The following PDCD11 variants were observed in gnomAD, a reference collection of about 807,000 sequenced individuals.
PDCD11 encodes the protein protein RRP5 homolog.
A neutral mutation model predicts 198.9 loss-of-function variants in PDCD11; 97 were observed. The ratio of observed to expected loss-of-function variants is 0.49; its 90% CI spans 0.41 to 0.58. The LOEUF is 0.58. PDCD11 is among the 20% of genes least tolerant of loss of function. The pLI, the probability that PDCD11 is intolerant of heterozygous loss-of-function variation, is 0.00. For missense variants in PDCD11, 2,102 were observed against 2,312.7 expected (o/e 0.91, Z 1.87); for synonymous variants, 893 against 918.0 (o/e 0.97, Z 0.49).
intron 1 of PDCD11, among the ~76,000 whole-genome samples, chr10:103,397,146 T>A (rs1465643183): frequency 6.6e-6 from 1 of 151,984 alleles, no homozygotes; most frequent in Non-Finnish European, 1.5e-5. Flanking sequence ...ACCTCTCCTG[T>A]CTTCTGTTTT....
chr10:103,433,796 G>GT, intron 22 of PDCD11, 152 bp from the exon 23 acceptor site: 2 of 631,768 alleles, frequency 3.2e-6, no homozygotes, highest in Non-Finnish European at 5.7e-6. Flanking sequence ...GAGAAGTGGA[G>GT]GTTGGGCAAG....
chr10:103,423,703 A>G (rs2031560199), intron 19 of PDCD11, 45 bp downstream of exon 19: 2 of 1,235,518 alleles, frequency 1.6e-6, no homozygotes, highest in African/African-American at 1.5e-5. Flanking sequence ...CACATGATGT[A>G]CCCTTCAACC....
Position 103,414,001 on chromosome 10 carries a change from T to C in PDCD11, c.1221T>C (p.Asn407=). Residue 407 remains asparagine, a synonymous_variant, in exon 10 of 36, where the codon AAT becomes AAC. Coordinates refer to ENST00000369797, the MANE Select transcript of PDCD11 (RefSeq NM_014976.2). The part of the protein sequence containing the change: ...SHLSDSKNVF[N]PEAFKPGNTH... ...TCTCTGATTCTAAGAACGTCTTCAA[T>C]CCTGAGGCCTTCAAGCCAGGGAACA... 6.2e-7 allele frequency: 1 copy of C among 1,613,632 alleles called. No homozygotes were observed. The highest frequency in any genetic ancestry group is 8.5e-7 in the Non-Finnish European group (1 of 1,179,830).
Position 103,419,721 on chromosome 10 carries a change from C to T in PDCD11, c.2277+13C>T, listed in dbSNP as rs939685090. 9 of 1,612,824 alleles carry T rather than the reference C, an allele frequency of 5.6e-6. No homozygotes were observed. In the African/African-American group the frequency reaches 9.3e-5, roughly 17 times the overall value. On this transcript the variant is annotated intron_variant, in intron 16 of 35. Transcript: ENST00000369797. The stretch of plus-strand genomic sequence containing the variant: ...GGCCCCAAAAGCTGTAAGTTCAACT[C>T]CATGTACAAGGGCTTTGAGGAGAGA...
At chr10:103,443,786 G>A (rs1179911544) in intron 33 of PDCD11, 129 bp from the exon 34 acceptor site, 6 of 901,384 alleles carry the variant, frequency 6.7e-6, no homozygotes, top group Non-Finnish European at 1.1e-5. Flanking sequence ...CAGGTCTCTA[G>A]CATTAGGCCC....
At chr10:103,437,131 TC>T (rs1381656313) in intron 25 of PDCD11, among the ~76,000 whole-genome samples, 2 of 152,184 alleles carry the variant, frequency 1.3e-5, no homozygotes, top group African/African-American at 4.8e-5. Flanking sequence ...TTCCTTTTCT[TC>T]TTCCCTCTCT....
chr10:103,444,416 C>T (rs1459770764), intron 34 of PDCD11, 101 bp from the exon 35 acceptor site: 1 of 1,195,718 alleles, frequency 8.4e-7, no homozygotes, highest in Non-Finnish European at 1.2e-6. Context: ...GTCTTGGGAC[C>T]CAAGAGCAGG....
chr10:103,411,149 T>G (rs1420216988), intron 8 of PDCD11, among the ~76,000 whole-genome samples: 1 of 151,378 alleles, frequency 6.6e-6, no homozygotes, highest in African/African-American at 2.4e-5. Flanking sequence ...ACTCCGGGGC[T>G]CAAGGAGTCC....
chr10:103,442,698 ATACACT>A (rs1485272009), intron 32 of PDCD11, among the ~76,000 whole-genome samples: 1 of 152,230 alleles, frequency 6.6e-6, no homozygotes, highest in Non-Finnish European at 1.5e-5. Context: ...ACAAGAGTCC[ATACACT>A]TATATGAGGG....
In PDCD11 at chr10:103,414,418, C is replaced by A; in HGVS notation, c.1371+88C>A. ...AGGTGACTGTCAGCCCGTTAGTCCT[C>A]ATGTTAACACATTGAATGTCATGTT... is the stretch of plus-strand genomic sequence containing the variant. On this transcript the variant is annotated intron_variant, in intron 11 of 35. Transcript: ENST00000369797. The A allele has an allele frequency of 3.6e-6, 3 of 837,804 alleles. No homozygotes were observed. The South Asian group carries it at 4.5e-5, about 13-fold the overall frequency. 51.9% of individuals were successfully genotyped at this position (837,804 alleles called of 1,614,324 possible).
rs764332860 is a variant in PDCD11, at chr10:103,405,104, G to A, written c.485G>A (p.Gly162Asp). Residue 162 changes from glycine (G) to aspartate (D), a missense_variant, in exon 5 of 36, where the codon GGC becomes GAC. By Grantham distance (94) the Gly-to-Asp change is moderately conservative. Coordinates refer to ENST00000369797, the MANE Select transcript of PDCD11 (RefSeq NM_014976.2). ...AGCAGTCTGGGCATCACAGACAGGG[G>A]CAAGAAGAGTGTCAAGCTGTCTCTG... is the stretch of plus-strand genomic sequence containing the variant. ...VVSSLGITDR[G>D]KKSVKLSLNP... 3 of 1,614,132 alleles carry A rather than the reference G, an allele frequency of 1.9e-6. No individual in the cohort carries two copies. Among genetic ancestry groups the A allele is most frequent in the Non-Finnish European group, 2.5e-6 (3 of 1,179,980 alleles).
chr10:103,398,278 A>G, intron 1 of PDCD11, 138 bp from the exon 2 acceptor site: 1 of 618,206 alleles, frequency 1.6e-6, no homozygotes, highest in Middle Eastern at 2.6e-4. Flanking sequence ...CGGGCCTGAC[A>G]TCTAAACCAT....
intron 7 of PDCD11, among the ~76,000 whole-genome samples, chr10:103,409,019 C>A (rs898858433): frequency 6.6e-5 from 10 of 152,142 alleles, no homozygotes; most frequent in Non-Finnish European, 1.3e-4. Context: ...GAGAAAGGGG[C>A]TGGATATTTA....
chr10:103,397,953 C>G (rs1472877829), intron 1 of PDCD11, among the ~76,000 whole-genome samples: 2 of 152,224 alleles, frequency 1.3e-5, no homozygotes, highest in African/African-American at 4.8e-5. Context: ...AAAAGATCTT[C>G]TTTATGAAGC....
rs1297489459 is a variant in PDCD11, at chr10:103,443,216, C to G, written c.5007C>G (p.Asn1669Lys). 8.7e-6 allele frequency: 14 copies of G among 1,609,102 alleles called. No homozygotes were observed. In the African/African-American group the frequency reaches 1.6e-4, roughly 18 times the overall value. Residue 1669 changes from asparagine (N) to lysine (K), a missense_variant, in exon 33 of 36, where the codon AAC (asparagine) becomes AAG (lysine). Coordinates refer to ENST00000369797, the MANE Select transcript of PDCD11 (RefSeq NM_014976.2). The stretch of plus-strand genomic sequence containing the variant: ...GGGTGGCTCTGCTGAACCTGGAGAA[C>G]ATGTACGGCTCTCAGGAGTCCCTGA... ...NVWVALLNLE[N>K]MYGSQESLTK... is the part of the protein sequence containing the mutation.
intron 17 of PDCD11, 57 bp from the exon 18 acceptor site, chr10:103,422,926 GGAAAA>G (rs2031518063): frequency 7.4e-7 from 1 of 1,358,394 alleles, no homozygotes; most frequent in Non-Finnish European, 9.7e-7. Flanking sequence ...CACTGCCAGA[GGAAAA>G]GAACAGTGAG....
Position 103,416,542 on chromosome 10 carries a change from A to C in PDCD11, c.1570A>C (p.Thr524Pro). The C allele has an allele frequency of 3.1e-6, 5 of 1,614,160 alleles. No individual in the cohort carries two copies. Among genetic ancestry groups the C allele is most frequent in the South Asian group, 2.2e-5 (2 of 91,072 alleles). ...GAAGCTGATGATGACCCTGAAAAAAACCCTGATTGAGTCCAAACTACCTGT... is the reference window on the plus strand; with the variant it reads ...GAAGCTGATGATGACCCTGAAAAAACCCCTGATTGAGTCCAAACTACCTGT... ...AKKLMMTLKKTLIESKLPVIT... is the reference protein window; with the variant it reads ...AKKLMMTLKKPLIESKLPVIT... The change falls in exon 13 of 36, where the codon ACC becomes CCC. Residue 524 changes from threonine to proline, a missense_variant. Coordinates refer to ENST00000369797, the MANE Select transcript of PDCD11 (RefSeq NM_014976.2).
chr10:103,440,000 C>T lies in PDCD11; in HGVS notation c.4148+132C>T, dbSNP rs147901824. 56 of 1,141,918 alleles carry T rather than the reference C, an allele frequency of 4.9e-5. No homozygotes were observed. In the East Asian group the frequency reaches 1.3e-3, roughly 27 times the overall value. The allele number at this position is 1,141,918 out of a possible 1,614,324, so 70.7% of individuals were successfully genotyped here. ...TAGTGGTGTTCAGATGAATAAAAGG[C>T]CTTTGTTTGGAACCTTCTCCCCCAG... On this transcript the variant is annotated intron_variant, in intron 28 of 35. Transcript: ENST00000369797.
At chr10:103,434,691 C>A in intron 24 of PDCD11, 107 bp from the exon 25 acceptor site, 2 of 889,950 alleles carry the variant, frequency 2.2e-6, no homozygotes, top group Non-Finnish European at 3.4e-6. Context: ...GCCCAGATAC[C>A]CCAAGTCTGG....
Sources: allele counts gnomAD v4.1 joint callset (sites outside exome capture counted in the v4.1 genomes callset), GRCh38; gene constraint gnomAD v4.1.1; transcripts MANE v1.5; gene names NCBI Gene and HGNC (gene_info 2026-07-23, HGNC 2026-07-21).